Variants in SF3B1 observed in about 807,000 individuals in gnomAD.
The protein encoded by SF3B1 is pre-mRNA processing 10.
Under a neutral mutation model 153.8 loss-of-function variants are expected in SF3B1, and 12 were observed. That is an observed-to-expected ratio of 0.08 (90% CI 0.05 to 0.13). The LOEUF (loss-of-function observed/expected upper bound fraction) is 0.13. Among genes scored for constraint, SF3B1 ranks in the 10% least tolerant of loss-of-function variants. SF3B1 has a pLI of 1.00. For synonymous variants in SF3B1, 498 were observed against 525.2 expected, an observed-to-expected ratio of 0.95 and a Z score of 0.71; for missense variants, 513 against 1,606.1, an observed-to-expected ratio of 0.32 and a Z score of 11.63.
At chr2:197,410,562 G>A (rs530655555) in intron 6 of SF3B1, among the ~76,000 whole-genome samples, 69 of 137,632 alleles carry the variant, frequency 5.0e-4, no homozygotes, top group Non-Finnish European at 6.9e-4. Context: ...CTGGAGTGCC[G>A]GGGCATGATC....
intron 7 of SF3B1, among the ~76,000 whole-genome samples, chr2:197,409,318 T>C (rs2085035154): frequency 6.6e-6 from 1 of 151,938 alleles, no homozygotes. Context: ...GAGAATCGCC[T>C]GAATCCGGGA....
Position 197,401,617 on chromosome 2 carries a change from T to C in SF3B1, c.2371-92A>G. 1 of 1,493,216 alleles carries C rather than the reference T, an allele frequency of 6.7e-7. No individual in the cohort carries two copies. Among genetic ancestry groups the C allele is most frequent in the Middle Eastern group, 1.7e-4 (1 of 5,768 alleles). The allele number at this position is 1,493,216 out of a possible 1,614,324, so 92.5% of individuals were successfully genotyped here. A position where few individuals can be genotyped will look rare whatever the true frequency, so the allele number is the denominator to read the frequency against. On this transcript the variant is annotated intron_variant, in intron 16 of 24. Coordinates refer to ENST00000335508, the MANE Select transcript of SF3B1 (RefSeq NM_012433.4). This position sits in a 1 kb window ranked among gnomAD's most constrained non-coding sequence, Gnocchi z 4.2. ...TTACGTGATTTTAAAAAATAAAATT[T>C]AAAAACAAATCAAACAGTATTCGTG...
chr2:197,416,675 G>A (rs1559272825), intron 6 of SF3B1, 66 bp downstream of exon 6: 1 of 1,418,016 alleles, frequency 7.1e-7, no homozygotes, highest in Non-Finnish European at 9.7e-7. Flanking sequence ...AACCCAAGCA[G>A]ACTAATACAG....
rs2105984286 is a variant in SF3B1, at chr2:197,401,788, C to T, written c.2324G>A (p.Arg775Gln). 2 of 1,611,100 alleles carry T rather than the reference C, an allele frequency of 1.2e-6. No homozygotes were observed. The highest frequency in any genetic ancestry group is 1.7e-6 in the Non-Finnish European group (2 of 1,179,128). The change falls in exon 16 of 25, where the codon CGA becomes CAA. Residue 775 changes from arginine to glutamine, a missense_variant. This residue lies in a region of SF3B1 where 50 missense variants were observed against 236.5 expected (regional missense o/e 0.21). Coordinates refer to ENST00000335508, the MANE Select transcript of SF3B1 (RefSeq NM_012433.4). This position sits in a 1 kb window ranked among gnomAD's most constrained non-coding sequence, Gnocchi z 4.2. ...TTCCTCATCAGGAGACTGGAATTCTCGAATAAGGATTAACATCACTTCTCT... is the reference window on the plus strand; with the variant it reads ...TTCCTCATCAGGAGACTGGAATTCTTGAATAAGGATTAACATCACTTCTCT... ...YTREVMLILI[R>Q]EFQSPDEEMK...
chr2:197,397,666 G>A (rs1194596243), intron 22 of SF3B1, among the ~76,000 whole-genome samples: 1 of 152,108 alleles, frequency 6.6e-6, no homozygotes, highest in South Asian at 2.1e-4. Flanking sequence ...GCGTGATGGT[G>A]CATGCCTGTA....
At chr2:197,392,482 C>T in intron 24 of SF3B1, 21 bp from the exon 25 acceptor site, 2 of 1,165,318 alleles carry the variant, frequency 1.7e-6, no homozygotes, top group Non-Finnish European at 2.4e-6. Flanking sequence ...TGAACGGTTA[C>T]ATTATTTCAA....
intron 6 of SF3B1, among the ~76,000 whole-genome samples, chr2:197,411,878 A>G (rs998937873): frequency 5.3e-5 from 8 of 152,126 alleles, no homozygotes; most frequent in Non-Finnish European, 1.2e-4. Context: ...AGGCAGATCA[A>G]TTGAGGCCAG....
At position 197,423,544 on chromosome 2, in the gene SF3B1, A is replaced by T. The variant is rs553966704; in HGVS notation, c.195+264T>A. On this transcript the variant is annotated intron_variant, in intron 2 of 24. Transcript: ENST00000335508. ...ATAGAGCTGATAAGTAATGGTAGGG[A>T]TTTACTTTACTCTTAACTTTATAAA... Among the ~76,000 whole-genome samples, 3 of 152,262 alleles carry T rather than the reference A, an allele frequency of 2.0e-5. No individual in the cohort carries two copies. The South Asian group carries it at 6.2e-4, about 32-fold the overall frequency.
intron 22 of SF3B1, 52 bp downstream of exon 22, chr2:197,397,933 A>C: frequency 4.5e-6 from 6 of 1,328,860 alleles, no homozygotes; most frequent in Non-Finnish European, 6.3e-6. Context: ...CCAATACCAC[A>C]ATGCATTTAT....
intron 7 of SF3B1, among the ~76,000 whole-genome samples, chr2:197,409,070 C>A (rs948814276): frequency 2.6e-5 from 4 of 152,044 alleles, no homozygotes; most frequent in African/African-American, 7.2e-5. Context: ...CCAGGCTGGG[C>A]AATGAAGCAA....
At chr2:197,392,618 A>AG (rs1289919732) in intron 24 of SF3B1, among the ~76,000 whole-genome samples, 157 bp from the exon 25 acceptor site, 1 of 146,410 alleles carries the variant, frequency 6.8e-6, no homozygotes, top group Non-Finnish European at 1.5e-5. Flanking sequence ...CTGCAATGGA[A>AG]GAGACAAAAC....
chr2:197,401,847 A>G lies in SF3B1; in HGVS notation c.2265T>C (p.Pro755=), dbSNP rs2105984503. The change falls in exon 16 of 25, where the codon CCT becomes CCC. Residue 755 remains proline (P), a synonymous_variant. Transcript: ENST00000335508. The surrounding 1 kb of genome is among the most constrained non-coding windows in gnomAD (Gnocchi z 4.2). The stretch of plus-strand genomic sequence containing the variant: ...AGTTGGCATATTCTGCATCCATAAG[A>G]GGAATAAGATACCCAATAGCCTTCA... The part of the protein sequence containing the change: ...AFLKAIGYLI[P]LMDAEYANYY... 1 of 1,611,354 alleles carries G rather than the reference A, an allele frequency of 6.2e-7. No homozygotes were observed. Among genetic ancestry groups the G allele is most frequent in the Non-Finnish European group, 8.5e-7 (1 of 1,178,990 alleles).
chr2:197,433,744 T>C (rs2085478876), intron 1 of SF3B1, among the ~76,000 whole-genome samples: 1 of 152,250 alleles, frequency 6.6e-6, no homozygotes, highest in Non-Finnish European at 1.5e-5. Flanking sequence ...TTATTTCTTC[T>C]CTACTTGCAC....
At chr2:197,434,504 CA>C (rs1472883436) in intron 1 of SF3B1, among the ~76,000 whole-genome samples, 1 of 152,240 alleles carries the variant, frequency 6.6e-6, no homozygotes, top group Non-Finnish European at 1.5e-5. Context: ...CTTGAAGACA[CA>C]CAAGGGTAGG....
At chr2:197,432,301 G>A (rs1298783147) in intron 1 of SF3B1, among the ~76,000 whole-genome samples, 2 of 152,174 alleles carry the variant, frequency 1.3e-5, no homozygotes, top group Non-Finnish European at 2.9e-5. Flanking sequence ...AGGATTTTTG[G>A]TTAAACCATT....
intron 1 of SF3B1, among the ~76,000 whole-genome samples, chr2:197,433,214 C>G (rs936283259): frequency 6.6e-6 from 1 of 152,246 alleles, no homozygotes; most frequent in Non-Finnish European, 1.5e-5. Flanking sequence ...TGGGCACAGA[C>G]AGTGCTCAAG....
At chr2:197,415,597 T>TA (rs1165342048) in intron 6 of SF3B1, among the ~76,000 whole-genome samples, 1 of 152,198 alleles carries the variant, frequency 6.6e-6, no homozygotes, top group African/African-American at 2.4e-5. Context: ...AAGTGCTTTC[T>TA]AAAAAATCAA....
chr2:197,419,775 T>C (rs542923399), intron 4 of SF3B1: 2 of 224,054 alleles, frequency 8.9e-6, no homozygotes, highest in African/African-American at 2.2e-5. Context: ...GTCTAGTATG[T>C]AAACCTGCAG....
intron 6 of SF3B1, 107 bp downstream of exon 6, chr2:197,416,634 A>T: frequency 1.1e-6 from 1 of 923,504 alleles, no homozygotes; most frequent in Non-Finnish European, 1.6e-6. Context: ...CTGTTGTTTA[A>T]GGCACCCAGT....
Sources: allele counts gnomAD v4.1 joint callset (sites outside exome capture counted in the v4.1 genomes callset), GRCh38; gene constraint gnomAD v4.1.1; regional missense constraint gnomAD v4.1.1; non-coding constraint Gnocchi (gnomAD v3.1); transcripts MANE v1.5; gene names NCBI Gene and HGNC (gene_info 2026-07-23, HGNC 2026-07-21).